Variants in LAMA2 observed in about 807,000 individuals in gnomAD.
The protein encoded by LAMA2 is laminin subunit alpha-2.
Under a neutral mutation model 364.8 loss-of-function variants are expected in LAMA2, and 269 were observed. The observed-to-expected ratio is 0.74, with a 90% CI of 0.67 to 0.82. LAMA2 has a LOEUF of 0.82. Among genes scored for constraint, LAMA2 ranks in the 40% least tolerant of loss-of-function variants. The pLI is 0.00. For missense variants in LAMA2, 3,807 were observed against 3,873.2 expected (o/e 0.98, Z 0.45); for synonymous variants, 1,379 against 1,370.6 (o/e 1.01, Z -0.14).
At chr6:128,897,498 C>A (rs934444752) in intron 1 of LAMA2, among the ~76,000 whole-genome samples, 3 of 151,894 alleles carry the variant, frequency 2.0e-5, no homozygotes, top group Non-Finnish European at 2.9e-5. Context: ...AGTGTTAAAC[C>A]AAAAATAATC....
intron 29 of LAMA2, among the ~76,000 whole-genome samples, chr6:129,332,448 T>C (rs766932532): frequency 6.6e-6 from 1 of 152,170 alleles, no homozygotes; most frequent in African/African-American, 2.4e-5. Flanking sequence ...TCTCTTCTAA[T>C]TAACTAGATG....
At chr6:128,891,109 A>G (rs1253468924) in intron 1 of LAMA2, among the ~76,000 whole-genome samples, 1 of 152,030 alleles carries the variant, frequency 6.6e-6, no homozygotes, top group East Asian at 1.9e-4. Context: ...TTTCTGTTTG[A>G]TTTTTGTTGT....
chr6:129,211,226 G>A (rs1179017927), intron 12 of LAMA2, among the ~76,000 whole-genome samples: 2 of 152,088 alleles, frequency 1.3e-5, no homozygotes, highest in African/African-American at 4.8e-5. Context: ...CTGAGCTATT[G>A]TCCATATCTA....
intron 12 of LAMA2, among the ~76,000 whole-genome samples, chr6:129,227,491 T>C (rs542795123): frequency 6.6e-6 from 1 of 152,206 alleles, no homozygotes; most frequent in African/African-American, 2.4e-5. Flanking sequence ...GATGATGATG[T>C]ACGGATGGGG....
chr6:128,906,837 T>C (rs994536887), intron 1 of LAMA2, among the ~76,000 whole-genome samples: 57 of 150,750 alleles, frequency 3.8e-4, no homozygotes, highest in African/African-American at 1.3e-3. Context: ...GGGATCCAGT[T>C]TCAGCTTTCT....
intron 51 of LAMA2, among the ~76,000 whole-genome samples, chr6:129,470,393 T>C (rs184121760): frequency 6.6e-6 from 1 of 152,062 alleles, no homozygotes; most frequent in East Asian, 1.9e-4. Flanking sequence ...GGTCCAAGCA[T>C]ACATACATTT....
chr6:129,241,176 A>C (rs1267699217), intron 12 of LAMA2, among the ~76,000 whole-genome samples: 5 of 152,200 alleles, frequency 3.3e-5, no homozygotes, highest in Admixed American at 3.3e-4. Context: ...TGTGTAATAC[A>C]TTGAAGTGAT....
intron 51 of LAMA2, among the ~76,000 whole-genome samples, chr6:129,465,825 G>A (rs1399287235): frequency 5.3e-5 from 8 of 151,944 alleles, no homozygotes; most frequent in Non-Finnish European, 1.0e-4. Flanking sequence ...TTTTGTTCCA[G>A]TGTTAGAGAA....
intron 41 of LAMA2, among the ~76,000 whole-genome samples, chr6:129,436,211 T>C (rs1781826541): frequency 6.6e-6 from 1 of 152,168 alleles, no homozygotes; most frequent in Admixed American, 6.6e-5. Context: ...ACGGCACTAT[T>C]AACTGCCTCA....
intron 1 of LAMA2, among the ~76,000 whole-genome samples, chr6:128,983,226 C>T (rs369999286): frequency 6.6e-6 from 1 of 152,152 alleles, no homozygotes; most frequent in East Asian, 1.9e-4. Flanking sequence ...TACAGTCCCA[C>T]CAACAGTGTA....
intron 1 of LAMA2, among the ~76,000 whole-genome samples, chr6:129,024,319 G>C (rs559238748): frequency 6.6e-6 from 1 of 150,552 alleles, no homozygotes; most frequent in Non-Finnish European, 1.5e-5. Flanking sequence ...AGAGGAAACA[G>C]AGTTATGTCC....
chr6:129,070,960 CTTCCCTCATGCCTT>C (rs1773272043), intron 3 of LAMA2, among the ~76,000 whole-genome samples: 2 of 152,146 alleles, frequency 1.3e-5, no homozygotes, highest in African/African-American at 4.8e-5. Context: ...AACCCAGAAA[CTTCCCTCATGCCTT>C]TTCCAATCAC....
intron 29 of LAMA2, among the ~76,000 whole-genome samples, chr6:129,333,368 T>C (rs1775769195): frequency 6.6e-6 from 1 of 152,196 alleles, no homozygotes; most frequent in Admixed American, 6.5e-5. Flanking sequence ...ATGCTGATGG[T>C]TAGTATAAGA....
chr6:129,353,420 A>T, intron 32 of LAMA2, 63 bp downstream of exon 32: 1 of 1,406,232 alleles, frequency 7.1e-7, no homozygotes, highest in Non-Finnish European at 1.0e-6. Flanking sequence ...CTCATTTCCA[A>T]TGAGAAAGAG....
chr6:129,321,526 A>G (rs909434893), intron 28 of LAMA2, among the ~76,000 whole-genome samples: 1 of 152,148 alleles, frequency 6.6e-6, no homozygotes, highest in African/African-American at 2.4e-5. Context: ...ATTCTTTCTC[A>G]TTAGTCAGGC....
intron 14 of LAMA2, among the ~76,000 whole-genome samples, chr6:129,257,426 A>G (rs960011249): frequency 6.6e-6 from 1 of 152,114 alleles, no homozygotes; most frequent in African/African-American, 2.4e-5. Context: ...TGTTCAAAAG[A>G]CAAATGAAAT....
intron 55 of LAMA2, among the ~76,000 whole-genome samples, chr6:129,481,999 T>C (rs1583853161): frequency 6.6e-6 from 1 of 152,076 alleles, no homozygotes; most frequent in East Asian, 1.9e-4. Context: ...CATTCAAGGA[T>C]GTTAAAGCCT....
intron 15 of LAMA2, among the ~76,000 whole-genome samples, chr6:129,264,241 A>G (rs147299243): frequency 3.1e-4 from 47 of 152,294 alleles, no homozygotes; most frequent in Non-Finnish European, 5.1e-4. Flanking sequence ...AGTAGAACAA[A>G]TAGGACTTAC....
rs564333177 is a variant in LAMA2 at position 129,095,991 on chromosome 6, T to C, written c.397-2182T>C. Among the ~76,000 whole-genome samples the C allele has an allele frequency of 5.9e-5, 9 of 152,252 alleles. No individual in the cohort carries two copies. The South Asian group carries it at 1.9e-3, about 32-fold the overall frequency. ...AAGCCCACAATTTAGTTATTCTTCT[T>C]CTTTATGATTTTAAGACCTTGTCAG... On this transcript the variant is annotated intron_variant, in intron 3 of 64. Coordinates refer to ENST00000421865, the MANE Select transcript of LAMA2 (RefSeq NM_000426.4).
Sources: allele counts gnomAD v4.1 joint callset (sites outside exome capture counted in the v4.1 genomes callset), GRCh38; gene constraint gnomAD v4.1.1; transcripts MANE v1.5; gene names NCBI Gene and HGNC (gene_info 2026-07-23, HGNC 2026-07-21).